CES5A: variants seen among roughly 807,000 people sequenced by gnomAD.
The protein encoded by CES5A is carboxylesterase 5.
CES5A carries 67 observed loss-of-function variants against 62.9 expected under a neutral mutation model. The observed-to-expected ratio is 1.07, with a 90% CI of 0.88 to 1.31. The LOEUF is 1.31. CES5A is among the 50% of genes most tolerant of loss of function. CES5A has a pLI of 0.00. For synonymous variants in CES5A, 296 were observed against 280.8 expected (o/e 1.05, Z -0.54); for missense variants, 748 against 708.5 (o/e 1.06, Z -0.63).
chr16:55,902,856 T>C (rs1367590941), intron 1 of CES5A, among the ~76,000 whole-genome samples: 4 of 151,880 alleles, frequency 2.6e-5, no homozygotes, highest in Non-Finnish European at 5.9e-5. Flanking sequence ...GGATGTGGGG[T>C]AGTGAAGCTC....
intron 1 of CES5A, among the ~76,000 whole-genome samples, chr16:55,910,574 G>A (rs935137925): frequency 3.9e-5 from 6 of 152,272 alleles, no homozygotes; most frequent in Middle Eastern, 3.4e-3. Flanking sequence ...CGTAAACTCC[G>A]TGAGTACCAC....
intron 1 of CES5A, among the ~76,000 whole-genome samples, chr16:55,902,760 G>T (rs2034004340): frequency 6.6e-6 from 1 of 152,080 alleles, no homozygotes; most frequent in Non-Finnish European, 1.5e-5. Context: ...AGACATGGGG[G>T]GCATCATCCG....
At chr16:55,848,476 C>T (rs1484558070) in intron 11 of CES5A, among the ~76,000 whole-genome samples, 12 of 152,270 alleles carry the variant, frequency 7.9e-5, no homozygotes, top group Admixed American at 7.8e-4. Flanking sequence ...TTGTTTCTCA[C>T]ACCTGCTTGA....
At chr16:55,850,695 C>G (rs955783227) in intron 10 of CES5A, among the ~76,000 whole-genome samples, 1 of 152,154 alleles carries the variant, frequency 6.6e-6, no homozygotes, top group Non-Finnish European at 1.5e-5. Flanking sequence ...CATTCATATA[C>G]AATTTTTGTT....
At chr16:55,905,603 G>A (rs1039915453) in intron 1 of CES5A, among the ~76,000 whole-genome samples, 5 of 151,852 alleles carry the variant, frequency 3.3e-5, no homozygotes, top group Admixed American at 1.3e-4. Context: ...CTCGTGATCC[G>A]CCTGCCTCAG....
chr16:55,907,659 G>A (rs1339935740), intron 1 of CES5A, among the ~76,000 whole-genome samples: 6 of 152,150 alleles, frequency 3.9e-5, no homozygotes, highest in Non-Finnish European at 7.4e-5. Flanking sequence ...GATAAGTGTG[G>A]ACCAGCATAG....
At chr16:55,905,019 C>A (rs893134588) in intron 1 of CES5A, among the ~76,000 whole-genome samples, 54 of 152,160 alleles carry the variant, frequency 3.5e-4, no homozygotes, top group Non-Finnish European at 6.9e-4. Flanking sequence ...CAAAAATCAT[C>A]CAAAATCTAC....
At chr16:55,848,839 T>G (rs554081008) in intron 11 of CES5A, among the ~76,000 whole-genome samples, 83 of 152,342 alleles carry the variant, frequency 5.4e-4, no homozygotes, top group African/African-American at 1.9e-3. Flanking sequence ...AGGTATTCAC[T>G]CTTACTTTAT....
intron 11 of CES5A, 148 bp from the exon 12 acceptor site, chr16:55,846,988 G>A (rs1444417731): frequency 2.8e-6 from 2 of 718,648 alleles, no homozygotes; most frequent in East Asian, 5.1e-5. Flanking sequence ...TATACATGCA[G>A]ATACTGAGGC....
chr16:55,856,261 A>C, intron 9 of CES5A, 116 bp downstream of exon 9: 2 of 860,912 alleles, frequency 2.3e-6, no homozygotes, highest in Non-Finnish European at 3.9e-6. Context: ...AGGTCTATTG[A>C]ATGACTGAGT....
At position 55,875,204 on chromosome 16, in the gene CES5A, C is replaced by A. The variant is rs1248081893; in HGVS notation, c.18G>T (p.Val6=). 1 of 1,613,698 alleles carries A rather than the reference C, an allele frequency of 6.2e-7. No individual in the cohort carries two copies. The highest frequency in any genetic ancestry group is 8.5e-7 in the Non-Finnish European group (1 of 1,179,844). Residue 6 remains valine (V), a synonymous_variant, in exon 1 of 13, where the codon GTG becomes GTT. Transcript: ENST00000290567. ...CCCAAATTAGGATCTGGCCTGGGTGCACCCAATTCCCACTCATTTGGCTGC... is the reference window on the plus strand; with the variant it reads ...CCCAAATTAGGATCTGGCCTGGGTGAACCCAATTCCCACTCATTTGGCTGC... MSGNW[V]HPGQILIWAI...
intron 5 of CES5A, among the ~76,000 whole-genome samples, chr16:55,864,348 G>T (rs1425815434): frequency 6.6e-6 from 1 of 152,156 alleles, no homozygotes; most frequent in Non-Finnish European, 1.5e-5. Context: ...CAATTAACCT[G>T]CCAACTGATG....
chr16:55,956,001 A>G, exon 1 of CES5A: 2 of 1,126,782 alleles, frequency 1.8e-6, no homozygotes, highest in East Asian at 2.6e-5. Context: ...AAGTCAAATG[A>G]GTTCACCACT....
chr16:55,869,382 G>A, intron 4 of CES5A: 1 of 669,354 alleles, frequency 1.5e-6, no homozygotes, highest in Non-Finnish European at 2.2e-6. Context: ...TGCCGATCAG[G>A]GATGCTCAAT....
At chr16:55,906,771 A>C (rs1327148079) in intron 1 of CES5A, among the ~76,000 whole-genome samples, 1 of 152,178 alleles carries the variant, frequency 6.6e-6, no homozygotes, top group Non-Finnish European at 1.5e-5. Flanking sequence ...CCTGCTCAGA[A>C]GGTAGGTAAG....
intron 1 of CES5A, among the ~76,000 whole-genome samples, chr16:55,923,235 A>T (rs1189939420): frequency 6.6e-6 from 1 of 151,640 alleles, no homozygotes; most frequent in African/African-American, 2.4e-5. Flanking sequence ...ACAAAATGAA[A>T]AGTTACTTTT....
intron 6 of CES5A, among the ~76,000 whole-genome samples, chr16:55,862,358 C>A (rs371433980): frequency 6.6e-6 from 1 of 152,162 alleles, no homozygotes; most frequent in East Asian, 1.9e-4. Flanking sequence ...AGTTGTGGAA[C>A]CGCTTCCCAA....
intron 2 of CES5A, among the ~76,000 whole-genome samples, chr16:55,943,484 A>G (rs1204389143): frequency 1.3e-5 from 2 of 152,208 alleles, no homozygotes; most frequent in Admixed American, 1.3e-4. Flanking sequence ...AGAGATCCCC[A>G]GGGGCACAGT....
intron 1 of CES5A, among the ~76,000 whole-genome samples, chr16:55,885,164 A>C (rs115007528): frequency 0.01 from 1,594 of 152,144 alleles, 34 homozygotes; most frequent in African/African-American, 0.036. Context: ...GTATTTTTCA[A>C]ATACTTACAT....
Sources: gnomAD v4.1 joint callset for allele counts (sites outside exome capture counted in the v4.1 genomes callset) on GRCh38, gnomAD v4.1.1 for gene constraint, MANE v1.5 for transcripts, NCBI Gene and HGNC (gene_info 2026-07-23, HGNC 2026-07-21) for gene names.